Variants in ABCC1 observed in about 807,000 individuals in gnomAD.
ABCC1 encodes ATP binding cassette subfamily C member 1 (ABCC1 blood group).
Under a neutral mutation model 172.9 loss-of-function variants are expected in ABCC1, and 83 were observed. The ratio of observed to expected loss-of-function variants is 0.48; its 90% CI spans 0.40 to 0.58. The LOEUF (loss-of-function observed/expected upper bound fraction) is 0.58, where lower values mean the gene tolerates loss of function less well. Ranked by LOEUF, ABCC1 falls within the 20% of genes least tolerant of loss-of-function variation. The pLI is 0.00. For synonymous variants in ABCC1, 937 were observed against 825.2 expected (o/e 1.14, Z -2.32); for missense variants, 1,817 against 2,002.7 (o/e 0.91, Z 1.77).
At chr16:16,125,778 C>G (rs755345036) in intron 25 of ABCC1, 32 bp from the exon 26 acceptor site, 9 of 1,536,914 alleles carry the variant, frequency 5.9e-6, no homozygotes, top group South Asian at 4.6e-5. Context: ...CCCGCTTACT[C>G]TAGAAATGCC....
Position 16,141,551 on chromosome 16 carries a change from A to G in ABCC1, c.*270A>G. 2.3e-6 allele frequency: 1 copy of G among 429,930 alleles called. No homozygotes were observed. Among genetic ancestry groups the G allele is most frequent in the Non-Finnish European group, 4.2e-6 (1 of 239,788 alleles). 26.6% of individuals were successfully genotyped at this position (429,930 alleles called of 1,614,324 possible). A position where few individuals can be genotyped will look rare whatever the true frequency, so the allele number is the denominator to read the frequency against. On this transcript the variant is annotated 3_prime_UTR_variant, in exon 31 of 31. Coordinates refer to ENST00000399410, the MANE Select transcript of ABCC1 (RefSeq NM_004996.4). ...TGCCCTGAGACAGACACACAGCCTC[A>G]CGCCCCCAGGAATGCAAGTGGTTTC...
At chr16:15,989,323 A>T (rs1359433951) in intron 1 of ABCC1, among the ~76,000 whole-genome samples, 3 of 152,114 alleles carry the variant, frequency 2.0e-5, no homozygotes, top group Non-Finnish European at 4.4e-5. Context: ...TGCCCACGCG[A>T]TGCTGGCTTC....
At position 15,973,948 on chromosome 16, in the gene ABCC1, G is replaced by A. The variant is rs1043846641; in HGVS notation, c.48+24149G>A. Among the ~76,000 whole-genome samples, 4 of 152,074 alleles carry A rather than the reference G, an allele frequency of 2.6e-5. No homozygotes were observed. The South Asian group carries it at 6.2e-4, about 24-fold the overall frequency. On this transcript the variant is annotated intron_variant, in intron 1 of 30. Coordinates refer to ENST00000399410, the MANE Select transcript of ABCC1 (RefSeq NM_004996.4). ...TGCGGTGAGCCACGATTGCACCACC[G>A]TATTCCAGCTTGGGTGACAGAGTGA...
chr16:16,028,160 C>A (rs1397050772), intron 5 of ABCC1, among the ~76,000 whole-genome samples: 1 of 152,278 alleles, frequency 6.6e-6, no homozygotes, highest in Non-Finnish European at 1.5e-5. Flanking sequence ...GGTTGGTTAA[C>A]CTCTGCCTAC....
At chr16:16,041,567 C>T (rs2048979328) in intron 7 of ABCC1, among the ~76,000 whole-genome samples, 1 of 152,284 alleles carries the variant, frequency 6.6e-6, no homozygotes, top group Middle Eastern at 3.4e-3. Flanking sequence ...CCTGTAACCC[C>T]TGTGAACCTG....
chr16:16,011,014 A>G (rs1203341791), intron 3 of ABCC1, among the ~76,000 whole-genome samples: 1 of 152,184 alleles, frequency 6.6e-6, no homozygotes, highest in African/African-American at 2.4e-5. Context: ...CGGGAGAATC[A>G]CTTGAGGTCG....
Position 16,083,546 on chromosome 16 carries a change from A to G in ABCC1, c.2292+4A>G, listed in dbSNP as rs1309544248. 1.2e-6 allele frequency: 2 copies of G among 1,604,672 alleles called. No homozygotes were observed. The highest frequency in any genetic ancestry group is 1.1e-5 in the South Asian group (1 of 90,908). On this transcript the variant is annotated splice_donor_region_variant and intron_variant, in intron 17 of 30. Coordinates refer to ENST00000399410, the MANE Select transcript of ABCC1 (RefSeq NM_004996.4). ...TCGGACAGAGATTGGCGAGAAGGTC[A>G]GTATAGGTTGGATGTTGGCCCCTGA... is the stretch of plus-strand genomic sequence containing the variant.
At chr16:15,957,837 C>G (rs1484104623) in intron 1 of ABCC1, among the ~76,000 whole-genome samples, 11 of 152,210 alleles carry the variant, frequency 7.2e-5, no homozygotes, top group Non-Finnish European at 1.5e-4. Context: ...CGTGATCCGC[C>G]CGCCTCGGCC....
chr16:16,036,977 G>A (rs1038718377), intron 7 of ABCC1, among the ~76,000 whole-genome samples: 1 of 151,990 alleles, frequency 6.6e-6, no homozygotes, highest in Non-Finnish European at 1.5e-5. Flanking sequence ...GGTGGCAGGC[G>A]CCTGTAATCA....
intron 20 of ABCC1, among the ~76,000 whole-genome samples, chr16:16,103,811 A>C (rs16966996): frequency 6.6e-6 from 1 of 152,142 alleles, no homozygotes; most frequent in African/African-American, 2.4e-5. Context: ...TCATCCGGAC[A>C]TGGTTATGGT....
At position 15,949,707 on chromosome 16, in the gene ABCC1, C is replaced by T. The variant is rs2045818627; in HGVS notation, c.-45C>T. 1 of 1,090,850 alleles carries T rather than the reference C, an allele frequency of 9.2e-7. No homozygotes were observed. Among genetic ancestry groups the T allele is most frequent in the Non-Finnish European group, 1.1e-6 (1 of 896,658 alleles). The allele number at this position is 1,090,850 out of a possible 1,614,324, so 67.6% of individuals were successfully genotyped here. On this transcript the variant is annotated 5_prime_UTR_variant, in exon 1 of 31. Coordinates refer to ENST00000399410, the MANE Select transcript of ABCC1 (RefSeq NM_004996.4). ...CCGCCGCCCGCGCCAGCAACCGGGC[C>T]CGATCACCCGCCGCCCGGTGCCCGC...
At chr16:15,985,481 G>A (rs1196988495) in intron 1 of ABCC1, among the ~76,000 whole-genome samples, 1 of 150,292 alleles carries the variant, frequency 6.7e-6, no homozygotes, top group Non-Finnish European at 1.5e-5. Flanking sequence ...TTTTGCTTTT[G>A]TTGCCCAGGC....
In ABCC1 at chr16:16,134,450, T is replaced by G. The variant is rs376594469; in HGVS notation, c.4067T>G (p.Ile1356Ser). Residue 1356 changes from isoleucine to serine, a missense_variant, in exon 28 of 31, where the codon ATC becomes AGC. Ile to Ser is a moderately radical substitution (Grantham distance 142). Coordinates refer to ENST00000399410, the MANE Select transcript of ABCC1 (RefSeq NM_004996.4). ...GAAGGAGAGATCATCATCGATGGCA[T>G]CAACATCGCCAAGATCGGCCTGCAC... is the stretch of plus-strand genomic sequence containing the variant. ...SAEGEIIIDG[I>S]NIAKIGLHDL... The G allele has an allele frequency of 2.5e-6, 4 of 1,613,944 alleles. No individual in the cohort carries two copies. The highest frequency in any genetic ancestry group is 3.4e-6 in the Non-Finnish European group (4 of 1,180,010).
intron 2 of ABCC1, among the ~76,000 whole-genome samples, chr16:16,008,842 CAAAAAAAAAAA>C: frequency 1.7e-5 from 1 of 60,228 alleles, no homozygotes; most frequent in African/African-American, 5.9e-5. Context: ...GACTCCTTCT[CAAAAAAAAAAA>C]AAAAAAAAAA....
At chr16:16,043,243 T>TTTTC (rs1021835519) in intron 7 of ABCC1, among the ~76,000 whole-genome samples, 84 of 140,872 alleles carry the variant, frequency 6.0e-4, no homozygotes, top group East Asian at 1.2e-3. Flanking sequence ...TTTTTTTTTT[T>TTTTC]CCACTGATGT....
intron 1 of ABCC1, among the ~76,000 whole-genome samples, chr16:15,998,934 C>G (rs1448927518): frequency 6.6e-6 from 1 of 152,112 alleles, no homozygotes; most frequent in East Asian, 1.9e-4. Context: ...CACACATTGT[C>G]CCATTGAATC....
intron 21 of ABCC1, among the ~76,000 whole-genome samples, chr16:16,108,539 T>A (rs1315601121): frequency 6.6e-6 from 1 of 151,528 alleles, no homozygotes; most frequent in East Asian, 1.9e-4. Context: ...AAAGAGCTGG[T>A]GCTGGGATTA....
intron 5 of ABCC1, among the ~76,000 whole-genome samples, chr16:16,028,200 C>T (rs534177649): frequency 3.3e-5 from 5 of 152,270 alleles, no homozygotes; most frequent in East Asian, 1.9e-4. Context: ...GGGGTGATAT[C>T]GGGCCTCAAA....
intron 5 of ABCC1, among the ~76,000 whole-genome samples, chr16:16,029,854 A>C (rs560931284): frequency 5.9e-5 from 9 of 152,186 alleles, no homozygotes; most frequent in Non-Finnish European, 1.5e-5. Context: ...TGTCTTGACA[A>C]AAAACATGTA....
Sources: allele counts gnomAD v4.1 joint callset (sites outside exome capture counted in the v4.1 genomes callset), GRCh38; gene constraint gnomAD v4.1.1; transcripts MANE v1.5; gene names NCBI Gene and HGNC (gene_info 2026-07-23, HGNC 2026-07-21).